The following SAG variants were observed in gnomAD, a reference collection of about 807,000 sequenced individuals.
SAG encodes the protein S-arrestin.
SAG carries 45 observed loss-of-function variants against 55.0 expected under a neutral mutation model. The observed-to-expected ratio is 0.82, with a 90% CI of 0.64 to 1.05. SAG has a LOEUF of 1.05. Among genes scored for constraint, SAG ranks in the 50% least tolerant of loss-of-function variants. SAG has a pLI of 0.00. For synonymous variants in SAG, 189 were observed against 197.4 expected (o/e 0.96, Z 0.36); for missense variants, 455 against 512.1 (o/e 0.89, Z 1.08).
chr2:233,331,461 T>C (rs1700760359), intron 9 of SAG, 179 bp from the exon 10 acceptor site: 7 of 666,054 alleles, frequency 1.1e-5, no homozygotes, highest in Non-Finnish European at 1.9e-5. Flanking sequence ...AGAAATGGCC[T>C]GGAGACAGGA....
intron 11 of SAG, among the ~76,000 whole-genome samples, chr2:233,337,690 C>T (rs1027800105): frequency 3.9e-5 from 6 of 152,212 alleles, no homozygotes; most frequent in African/African-American, 1.2e-4. Flanking sequence ...TGCTGGCCGC[C>T]GCCCCAACTC....
In SAG at chr2:233,309,177, A is replaced by G; in HGVS notation, c.-13A>G. The stretch of plus-strand genomic sequence containing the variant: ...ACACCCCAAGGTGGTAGAAGTTGCC[A>G]GGGACAGATAACATGGCAGCCAGCG... On this transcript the variant is annotated 5_prime_UTR_variant, in exon 2 of 16. Transcript: ENST00000409110. 1.2e-6 allele frequency: 2 copies of G among 1,612,682 alleles called. No individual in the cohort carries two copies. Among genetic ancestry groups the G allele is most frequent in the Non-Finnish European group, 1.7e-6 (2 of 1,178,968 alleles).
chr2:233,337,227 C>T (rs1350343947), intron 11 of SAG, among the ~76,000 whole-genome samples: 1 of 138,458 alleles, frequency 7.2e-6, no homozygotes, highest in African/African-American at 2.8e-5. Flanking sequence ...ATATTCTGTC[C>T]TCTTTTAAAA....
chr2:233,315,377 C>G (rs1700190358), intron 2 of SAG, among the ~76,000 whole-genome samples: 1 of 148,482 alleles, frequency 6.7e-6, no homozygotes, highest in Non-Finnish European at 1.5e-5. Flanking sequence ...ACTGCAACCT[C>G]CACCTCCTAG....
chr2:233,342,238 G>A (rs376660410), intron 13 of SAG, 33 bp from the exon 14 acceptor site: 225 of 1,537,058 alleles, frequency 1.5e-4, no homozygotes, highest in Non-Finnish European at 1.7e-4. Flanking sequence ...GTGTGTATGG[G>A]TGTTCACACC....
At chr2:233,321,193 G>A (rs931846769) in intron 5 of SAG, among the ~76,000 whole-genome samples, 6 of 152,172 alleles carry the variant, frequency 3.9e-5, no homozygotes, top group South Asian at 2.1e-4. Flanking sequence ...AGAGCTTAGC[G>A]AAGTAAGATG....
At chr2:233,341,613 A>G (rs1314127076) in intron 13 of SAG, among the ~76,000 whole-genome samples, 1 of 152,240 alleles carries the variant, frequency 6.6e-6, no homozygotes, top group Non-Finnish European at 1.5e-5. Context: ...ATATTGTATG[A>G]ATCCATTTAC....
chr2:233,335,208 G>A (rs868339258), intron 11 of SAG, 109 bp downstream of exon 11: 2 of 1,386,392 alleles, frequency 1.4e-6, no homozygotes, highest in Admixed American at 2.4e-5. Flanking sequence ...GCAGCATGGT[G>A]GTCTGGCGTG....
rs1019465093 is a variant in SAG at position 233,343,618 on chromosome 2, C to T, written c.1102+1292C>T. 6.0e-6 allele frequency: 7 copies of T among 1,170,264 alleles called. No individual in the cohort carries two copies. In the African/African-American group the frequency reaches 1.1e-4, roughly 19 times the overall value. 72.5% of individuals were successfully genotyped at this position (1,170,264 alleles called of 1,614,324 possible). On this transcript the variant is annotated intron_variant, in intron 14 of 15. Transcript: ENST00000409110. Reference sequence around the variant, plus strand: ...ATATGAATTTGATCTCAATCATTCTCTTTCTAAAAAGGTAAATGAAGCAGC... The same window carrying T: ...ATATGAATTTGATCTCAATCATTCTTTTTCTAAAAAGGTAAATGAAGCAGC...
At chr2:233,326,313 G>A (rs13002340) in intron 6 of SAG, among the ~76,000 whole-genome samples, 55,187 of 152,068 alleles carry the variant, frequency 0.36, 12,316 homozygotes, top group South Asian at 0.53. Context: ...CTGGCTGGGC[G>A]CGATGGCTCA....
chr2:233,321,927 G>A (rs913705247), intron 5 of SAG, among the ~76,000 whole-genome samples: 2 of 151,438 alleles, frequency 1.3e-5, no homozygotes, highest in Non-Finnish European at 2.9e-5. Context: ...GTGCTTCTCC[G>A]AGGTCAGGAG....
At chr2:233,314,672 G>A (rs112346561) in intron 2 of SAG, among the ~76,000 whole-genome samples, 4 of 152,320 alleles carry the variant, frequency 2.6e-5, no homozygotes, top group Non-Finnish European at 4.4e-5. Flanking sequence ...CATGCTTAGC[G>A]CTGGGAGTAT....
At position 233,335,067 on chromosome 2, in the gene SAG, G is replaced by C; in HGVS notation, c.912G>C (p.Lys304Asn). 4 of 1,613,944 alleles carry C rather than the reference G, an allele frequency of 2.5e-6. No homozygotes were observed. The highest frequency in any genetic ancestry group is 3.4e-6 in the Non-Finnish European group (4 of 1,179,838). Residue 304 changes from lysine (K) to asparagine (N), a missense_variant, in exon 11 of 16, where the codon AAG becomes AAC. Coordinates refer to ENST00000409110, the MANE Select transcript of SAG (RefSeq NM_000541.5). ...RRGIALDGKI[K>N]HEDTNLASST... The stretch of plus-strand genomic sequence containing the variant: ...GCATTGCCCTGGATGGGAAAATCAA[G>C]CACGAGGACACAAACCTTGCCTCCA...
chr2:233,308,995 C>A, intron 1 of SAG, 167 bp from the exon 2 acceptor site: 2 of 515,602 alleles, frequency 3.9e-6, no homozygotes, highest in South Asian at 2.8e-5. Flanking sequence ...AAAATACAAA[C>A]TAAGCAAAGA....
At chr2:233,342,512 G>T in intron 14 of SAG, 186 bp downstream of exon 14, 1 of 606,140 alleles carries the variant, frequency 1.6e-6, no homozygotes, top group Non-Finnish European at 3.0e-6. Context: ...GCGCTGAGCC[G>T]GGTAGATTAT....
intron 3 of SAG, among the ~76,000 whole-genome samples, chr2:233,318,470 C>T (rs1700279030): frequency 6.6e-6 from 1 of 152,260 alleles, no homozygotes; most frequent in Non-Finnish European, 1.5e-5. Context: ...TAGGCTCGAG[C>T]AGTCCTCCTG....
At chr2:233,344,264 G>A (rs34595600) in intron 14 of SAG, 48,033 of 152,000 alleles carry the variant, frequency 0.32, 8,942 homozygotes, top group South Asian at 0.42. Context: ...TCCGCCTCCC[G>A]AGTTCAAGTG....
intron 10 of SAG, 175 bp from the exon 11 acceptor site, chr2:233,334,787 T>C: frequency 1.5e-6 from 1 of 647,918 alleles, no homozygotes; most frequent in Middle Eastern, 4.0e-4. Context: ...CACCCTGAGA[T>C]TTCACAAGCA....
chr2:233,314,589 T>C (rs1700167816), intron 2 of SAG, among the ~76,000 whole-genome samples: 1 of 152,192 alleles, frequency 6.6e-6, no homozygotes, highest in Admixed American at 6.5e-5. Context: ...CAGGTAGCAG[T>C]GTGTGTCCCG....
Sources: allele counts gnomAD v4.1 joint callset (sites outside exome capture counted in the v4.1 genomes callset), GRCh38; gene constraint gnomAD v4.1.1; transcripts MANE v1.5; gene names NCBI Gene and HGNC (gene_info 2026-07-23, HGNC 2026-07-21).